PAPSS1: variants seen among roughly 807,000 people sequenced by gnomAD.
PAPSS1 encodes the protein bifunctional 3'-phosphoadenosine 5'-phosphosulfate synthase 1.
In PAPSS1, 50 loss-of-function variants were observed where a neutral mutation model predicts 72.0. The ratio of observed to expected loss-of-function variants is 0.69; its 90% confidence interval spans 0.55 to 0.88. The LOEUF is 0.88. Among genes scored for constraint, PAPSS1 ranks in the 40% least tolerant of loss-of-function variants. PAPSS1 has a pLI of 0.00. For synonymous variants in PAPSS1, 261 were observed against 263.6 expected, an observed-to-expected ratio of 0.99 and a Z score of 0.09; for missense variants, 657 against 782.2, an observed-to-expected ratio of 0.84 and a Z score of 1.91.
chr4:107,702,711 C>A (rs1402172979), intron 1 of PAPSS1, among the ~76,000 whole-genome samples: 1 of 152,210 alleles, frequency 6.6e-6, no homozygotes, highest in African/African-American at 2.4e-5. Context: ...TAGTATTCCA[C>A]TGTGTAAATA....
At chr4:107,658,354 A>G (rs200216416) in intron 6 of PAPSS1, among the ~76,000 whole-genome samples, 1 of 72,182 alleles carries the variant, frequency 1.4e-5, no homozygotes. Flanking sequence ...GACTCCATTT[A>G]AAAAAAAAAA....
At chr4:107,656,864 T>A (rs1049172081) in intron 7 of PAPSS1, 32 bp downstream of exon 7, 1 of 1,383,898 alleles carries the variant, frequency 7.2e-7, no homozygotes, top group Non-Finnish European at 1.0e-6. Flanking sequence ...CTCTTCCACA[T>A]ACAATATAAT....
chr4:107,719,541 CAAAG>C (rs762324324), intron 1 of PAPSS1, among the ~76,000 whole-genome samples: 3 of 152,220 alleles, frequency 2.0e-5, no homozygotes, highest in East Asian at 1.9e-4. Context: ...CACAGAGACA[CAAAG>C]AACCTCAGTT....
intron 5 of PAPSS1, among the ~76,000 whole-genome samples, chr4:107,676,183 G>C (rs1174838869): frequency 2.0e-5 from 3 of 152,100 alleles, no homozygotes; most frequent in Non-Finnish European, 2.9e-5. Context: ...GTTCTGGCCA[G>C]GGCAATCAGG....
At chr4:107,619,311 C>T (rs1262111072) in intron 11 of PAPSS1, among the ~76,000 whole-genome samples, 1 of 152,228 alleles carries the variant, frequency 6.6e-6, no homozygotes, top group Non-Finnish European at 1.5e-5. Context: ...CACACTCCAT[C>T]TGCCCTGCAT....
At chr4:107,659,931 T>G in intron 6 of PAPSS1, 28 bp downstream of exon 6, 1 of 1,221,306 alleles carries the variant, frequency 8.2e-7, no homozygotes. Context: ...GCTGTATCAC[T>G]TAGTGTGAAA....
intron 10 of PAPSS1, among the ~76,000 whole-genome samples, chr4:107,633,595 T>C (rs548422073): frequency 6.7e-6 from 1 of 148,946 alleles, no homozygotes; most frequent in Admixed American, 6.7e-5. Context: ...GGGTGGGGGG[T>C]GGTGGATGAT....
intron 5 of PAPSS1, among the ~76,000 whole-genome samples, chr4:107,667,791 C>T (rs758617023): frequency 6.6e-6 from 1 of 152,182 alleles, no homozygotes; most frequent in Non-Finnish European, 1.5e-5. Flanking sequence ...AAATGTGCCT[C>T]TTTCCAAGGT....
chr4:107,615,937 A>G (rs955727509), intron 11 of PAPSS1, among the ~76,000 whole-genome samples: 1 of 152,206 alleles, frequency 6.6e-6, no homozygotes, highest in South Asian at 2.1e-4. Flanking sequence ...CTCACCAGAC[A>G]CCGCATCTGC....
chr4:107,618,373 A>ATT lies in PAPSS1; in HGVS notation c.1737-3988_1737-3987dup, dbSNP rs749711217. On this transcript the variant is annotated intron_variant, in intron 11 of 11. Coordinates refer to ENST00000265174, the MANE Select transcript of PAPSS1 (RefSeq NM_005443.5). ...AGATACACAATGGAGTTGAGATGTGATTTTTTTTTTTTTTTAAGGAAACGA... is the reference window on the plus strand; with the variant it reads ...AGATACACAATGGAGTTGAGATGTGATTTTTTTTTTTTTTTTTAAGGAAACGA... Among the ~76,000 whole-genome samples, 81 of 143,824 alleles carry ATT rather than the reference A, an allele frequency of 5.6e-4. 1 individual carries two copies. Among genetic ancestry groups the ATT allele is most frequent in the African/African-American group, 1.9e-3 (75 of 39,520 alleles). 94.4% of individuals were successfully genotyped at this position (143,824 alleles called of 152,430 possible). A position where few individuals can be genotyped will look rare whatever the true frequency, so the allele number is the denominator to read the frequency against.
chr4:107,636,483 T>C (rs777428137), intron 10 of PAPSS1, among the ~76,000 whole-genome samples: 5 of 152,160 alleles, frequency 3.3e-5, no homozygotes, highest in Non-Finnish European at 7.3e-5. Context: ...ATTCGCTTAC[T>C]AGTGAAACGA....
rs1560590229 is a variant in PAPSS1, at chr4:107,701,287, T to TAGAAAAAAA, written c.61-11_61-3dup. On this transcript the variant is annotated splice_region_variant and splice_polypyrimidine_tract_variant and intron_variant, in intron 1 of 11. Coordinates refer to ENST00000265174, the MANE Select transcript of PAPSS1 (RefSeq NM_005443.5). ...GACATTGGTTGCTCTCTGCATTCCC[T>TAGAAAAAAA]AGAAAAAAAAGAAAAAAAAAATTCT... The TAGAAAAAAA allele has an allele frequency of 1.3e-6, 2 of 1,592,228 alleles. No individual in the cohort carries two copies.
chr4:107,667,351 T>C (rs1167213740), intron 5 of PAPSS1, among the ~76,000 whole-genome samples: 2 of 152,080 alleles, frequency 1.3e-5, no homozygotes, highest in African/African-American at 4.8e-5. Flanking sequence ...ATAAAGCACT[T>C]TACTGAGTTC....
At chr4:107,618,078 A>C (rs1725868380) in intron 11 of PAPSS1, among the ~76,000 whole-genome samples, 1 of 152,208 alleles carries the variant, frequency 6.6e-6, no homozygotes, top group Non-Finnish European at 1.5e-5. Flanking sequence ...ACTAAAATAA[A>C]AACTGAGTTT....
Position 107,614,337 on chromosome 4 carries a change from C to G in PAPSS1, c.1787G>C (p.Arg596Pro). ...ISGTRMRKLA[R>P]EGQKPPEGFM... The stretch of plus-strand genomic sequence containing the variant: ...ACCTTCAGGTGGTTTCTGGCCTTCT[C>G]GAGCAAGTTTGCGCATTCGTGTTCC... Residue 596 changes from arginine to proline, a missense_variant, in exon 12 of 12, where the codon CGA (arginine) becomes CCA (proline). By Grantham distance (103) the Arg-to-Pro change is moderately radical (BLOSUM62 -2). Coordinates refer to ENST00000265174, the MANE Select transcript of PAPSS1 (RefSeq NM_005443.5). 6.2e-7 allele frequency: 1 copy of G among 1,613,848 alleles called. No individual in the cohort carries two copies. Among genetic ancestry groups the G allele is most frequent in the Non-Finnish European group, 8.5e-7 (1 of 1,179,854 alleles).
At position 107,653,470 on chromosome 4, in the gene PAPSS1, G is replaced by T. The variant is rs979191387; in HGVS notation, c.1237+21C>A. Reference sequence around the variant, plus strand: ...TTCTCTCCAAGCCGGCCTATATTAGGTAATTAAATCCATGTCTTACCAGCA... The same window carrying T: ...TTCTCTCCAAGCCGGCCTATATTAGTTAATTAAATCCATGTCTTACCAGCA... On this transcript the variant is annotated intron_variant, in intron 9 of 11. Transcript: ENST00000265174. 8.7e-6 allele frequency: 14 copies of T among 1,602,504 alleles called. No individual in the cohort carries two copies. The African/African-American group carries it at 1.6e-4, about 18-fold the overall frequency.
intron 10 of PAPSS1, among the ~76,000 whole-genome samples, chr4:107,633,775 C>T (rs1408922114): frequency 4.6e-5 from 7 of 151,746 alleles, no homozygotes; most frequent in South Asian, 2.1e-4. Context: ...AAAAATTAGC[C>T]GGGTGTGGTG....
chr4:107,616,751 G>A (rs1000581612), intron 11 of PAPSS1, among the ~76,000 whole-genome samples: 18 of 152,150 alleles, frequency 1.2e-4, no homozygotes, highest in African/African-American at 4.1e-4. Flanking sequence ...GTGGCAGAGG[G>A]TCATAAGACA....
At chr4:107,707,673 A>G (rs752122036) in intron 1 of PAPSS1, among the ~76,000 whole-genome samples, 2 of 151,272 alleles carry the variant, frequency 1.3e-5, no homozygotes, top group Non-Finnish European at 2.9e-5. Flanking sequence ...TGTTCTTTCT[A>G]CTCTCTTCAA....
Sources: allele counts gnomAD v4.1 joint callset (sites outside exome capture counted in the v4.1 genomes callset), GRCh38; gene constraint gnomAD v4.1.1; transcripts MANE v1.5; gene names NCBI Gene and HGNC (gene_info 2026-07-23, HGNC 2026-07-21).